The following CDCA7L variants were observed in gnomAD, a reference collection of about 807,000 sequenced individuals.
CDCA7L encodes the protein cell division cycle-associated 7-like protein.
CDCA7L carries 44 observed loss-of-function variants against 57.4 expected under a neutral mutation model. That is an observed-to-expected ratio of 0.77 (90% CI 0.60 to 0.98). CDCA7L has a LOEUF of 0.98. Among genes scored for constraint, CDCA7L ranks in the 50% least tolerant of loss-of-function variants. The pLI is 0.00. For synonymous variants in CDCA7L, 236 were observed against 202.8 expected, an observed-to-expected ratio of 1.16 and a Z score of -1.39; for missense variants, 644 against 580.6, an observed-to-expected ratio of 1.11 and a Z score of -1.12.
Position 21,945,765 on chromosome 7 carries a change from G to A in CDCA7L, c.24+16C>T, listed in dbSNP as rs10238000. 0.01 allele frequency: 16,483 copies of A among 1,598,782 alleles called. 1,331 individuals carry two copies. The African/African-American group carries it at 0.18, about 18-fold the overall frequency. ...TGTGGGTGCGTCCGGACGGCGGCGG[G>A]CGGCCGGACCCTCACCTGGTAGCGA... On this transcript the variant is annotated intron_variant, in intron 1 of 9. Transcript: ENST00000406877.
In CDCA7L at chr7:21,904,204, C is replaced by G. The variant is rs1358467264; in HGVS notation, c.1103G>C (p.Arg368Pro). Residue 368 changes from arginine to proline, a missense_variant, in exon 8 of 10, where the codon CGG becomes CCG. Coordinates refer to ENST00000406877, the MANE Select transcript of CDCA7L (RefSeq NM_018719.5). ...TCGCACACCACAGCAACCCTGGTTC[C>G]GACACACTGTCTTGGTGTCGATGGT... Reference protein sequence around the residue: ...QKTIDTKTVCRNQGCCGVRGQ... With the variant: ...QKTIDTKTVCPNQGCCGVRGQ... 6.2e-7 allele frequency: 1 copy of G among 1,613,768 alleles called. No individual in the cohort carries two copies. Among genetic ancestry groups the G allele is most frequent in the Non-Finnish European group, 8.5e-7 (1 of 1,179,826 alleles).
intron 1 of CDCA7L, among the ~76,000 whole-genome samples, chr7:21,924,308 A>T (rs1178941245): frequency 6.6e-6 from 1 of 152,212 alleles, no homozygotes; most frequent in African/African-American, 2.4e-5. Flanking sequence ...CCTAGAAGCA[A>T]GCTCTATTTT....
In CDCA7L at chr7:21,902,993, T is replaced by C. The variant is rs1396026072; in HGVS notation, c.1319A>G (p.Lys440Arg). 1.2e-6 allele frequency: 2 copies of C among 1,613,974 alleles called. No homozygotes were observed. The highest frequency in any genetic ancestry group is 2.2e-5 in the East Asian group (1 of 44,892). ...ACTTACTTACCTCTCCAGATATTCCTTAACATTGTCATAACCATAAAACTT... is the reference window on the plus strand; with the variant it reads ...ACTTACTTACCTCTCCAGATATTCCCTAACATTGTCATAACCATAAAACTT... ...LAKFYGYDNV[K>R]EYLESLQKEL... The change falls in exon 9 of 10, where the codon AAG becomes AGG. Residue 440 changes from lysine to arginine, a missense_variant. Coordinates refer to ENST00000406877, the MANE Select transcript of CDCA7L (RefSeq NM_018719.5).
intron 2 of CDCA7L, among the ~76,000 whole-genome samples, chr7:21,916,266 A>C (rs943295324): frequency 6.6e-6 from 1 of 152,230 alleles, no homozygotes; most frequent in Non-Finnish European, 1.5e-5. Context: ...GAGAACTCTA[A>C]CTTGTGAGTG....
At chr7:21,926,224 G>C (rs1785820981) in intron 1 of CDCA7L, among the ~76,000 whole-genome samples, 1 of 132,522 alleles carries the variant, frequency 7.5e-6, no homozygotes, top group Non-Finnish European at 1.7e-5. Flanking sequence ...TTAGTATTCA[G>C]CAGTTAATAA....
chr7:21,918,358 T>C (rs572419444), intron 1 of CDCA7L, among the ~76,000 whole-genome samples: 26 of 152,368 alleles, frequency 1.7e-4, no homozygotes, highest in Middle Eastern at 3.4e-3. Flanking sequence ...GAGGCAACTG[T>C]AGACATAGTA....
chr7:21,928,505 C>T (rs1193866337), intron 1 of CDCA7L, among the ~76,000 whole-genome samples: 5 of 151,714 alleles, frequency 3.3e-5, no homozygotes, highest in Admixed American at 6.6e-5. Flanking sequence ...TAAACTCCTC[C>T]GAGCTAAAGA....
At chr7:21,916,083 C>G (rs990021597) in intron 2 of CDCA7L, among the ~76,000 whole-genome samples, 4 of 152,140 alleles carry the variant, frequency 2.6e-5, no homozygotes, top group African/African-American at 9.6e-5. Flanking sequence ...TGGACTTGCC[C>G]AGTGGAAGCA....
In CDCA7L at chr7:21,924,618, C is replaced by A. The variant is rs575851390; in HGVS notation, c.25-7724G>T. Among the ~76,000 whole-genome samples, 40 of 152,262 alleles carry A rather than the reference C, an allele frequency of 2.6e-4. 1 individual carries two copies. In the South Asian group the frequency reaches 8.3e-3, roughly 32 times the overall value. On this transcript the variant is annotated intron_variant, in intron 1 of 9. Coordinates refer to ENST00000406877, the MANE Select transcript of CDCA7L (RefSeq NM_018719.5). ...ACAAGAACTAACTCAAAATGGATCA[C>A]AAACTTGAATATAAAACTATAAAAC...
intron 8 of CDCA7L, chr7:21,903,880 C>T (rs1785035362): frequency 2.5e-6 from 1 of 405,864 alleles, no homozygotes. Context: ...AAGTTTTGCT[C>T]TGACAATGGA....
At chr7:21,902,640 G>C in intron 9 of CDCA7L, 1 of 521,790 alleles carries the variant, frequency 1.9e-6, no homozygotes, top group Non-Finnish European at 3.4e-6. Context: ...CTCTCTCTCT[G>C]CACTAGGATT....
chr7:21,906,927 G>A (rs1464381940), intron 4 of CDCA7L, among the ~76,000 whole-genome samples: 1 of 152,094 alleles, frequency 6.6e-6, no homozygotes. Context: ...GGAGCATGAG[G>A]TTCCGATCCC....
At chr7:21,921,373 A>G (rs915242321) in intron 1 of CDCA7L, among the ~76,000 whole-genome samples, 3 of 150,824 alleles carry the variant, frequency 2.0e-5, no homozygotes, top group African/African-American at 4.9e-5. Context: ...AAAATATTCA[A>G]GTGTCCTCAA....
rs759634636 is a variant in CDCA7L, at chr7:21,911,606, G to T, written c.303+11C>A. 1 of 1,606,044 alleles carries T rather than the reference G, an allele frequency of 6.2e-7. No individual in the cohort carries two copies. Among genetic ancestry groups the T allele is most frequent in the Admixed American group, 1.7e-5 (1 of 58,178 alleles). ...GTTACCACCCACATCCCTTCCTGTT[G>T]TAATTATTACCATTACTTCTGGGTT... On this transcript the variant is annotated intron_variant, in intron 3 of 9. Coordinates refer to ENST00000406877, the MANE Select transcript of CDCA7L (RefSeq NM_018719.5).
At chr7:21,925,555 C>T (rs916049553) in intron 1 of CDCA7L, among the ~76,000 whole-genome samples, 10 of 152,056 alleles carry the variant, frequency 6.6e-5, no homozygotes, top group Non-Finnish European at 1.5e-4. Flanking sequence ...AGGGTGAAGG[C>T]GTATATGAAT....
chr7:21,942,030 T>C (rs1215595669), intron 1 of CDCA7L, among the ~76,000 whole-genome samples: 1 of 151,720 alleles, frequency 6.6e-6, no homozygotes, highest in Non-Finnish European at 1.5e-5. Context: ...TGGTAGAGAG[T>C]GTGGGGAAAG....
chr7:21,939,939 A>C (rs1236514231), intron 1 of CDCA7L, among the ~76,000 whole-genome samples: 1 of 140,018 alleles, frequency 7.1e-6, no homozygotes, highest in African/African-American at 2.7e-5. Flanking sequence ...AAACAACCCT[A>C]AATCTCAATC....
chr7:21,903,225 A>G lies in CDCA7L; in HGVS notation c.1198-111T>C, dbSNP rs73279893. 54 of 1,010,208 alleles carry G rather than the reference A, an allele frequency of 5.3e-5. No individual in the cohort carries two copies. In the African/African-American group the frequency reaches 7.5e-4, roughly 14 times the overall value. The allele number at this position is 1,010,208 out of a possible 1,614,324, so 62.6% of individuals were successfully genotyped here. A position where few individuals can be genotyped will look rare whatever the true frequency, so the allele number is the denominator to read the frequency against. On this transcript the variant is annotated intron_variant, in intron 8 of 9. Coordinates refer to ENST00000406877, the MANE Select transcript of CDCA7L (RefSeq NM_018719.5). ...GGCCTCTCCTCCAACCTTTAATCAC[A>G]TGGCATCTTTCAGTCTACGTCCCAG... is the stretch of plus-strand genomic sequence containing the variant.
intron 1 of CDCA7L, among the ~76,000 whole-genome samples, chr7:21,920,876 A>T (rs1785628376): frequency 6.6e-6 from 1 of 152,208 alleles, no homozygotes; most frequent in South Asian, 2.1e-4. Flanking sequence ...GTCCCTGCAG[A>T]GGCACTAAGA....
Sources: gnomAD v4.1 joint callset for allele counts (sites outside exome capture counted in the v4.1 genomes callset) on GRCh38, gnomAD v4.1.1 for gene constraint, MANE v1.5 for transcripts, NCBI Gene and HGNC (gene_info 2026-07-23, HGNC 2026-07-21) for gene names.